The following OSBPL10 variants were observed in gnomAD, a reference collection of about 807,000 sequenced individuals.
The protein encoded by OSBPL10 is oxysterol binding protein like 10.
A neutral mutation model predicts 81.7 loss-of-function variants in OSBPL10; 49 were observed. The ratio of observed to expected loss-of-function variants is 0.60; its 90% CI spans 0.48 to 0.76. OSBPL10 has a LOEUF of 0.76. OSBPL10 is among the 30% of genes least tolerant of loss of function. The probability of loss-of-function intolerance (pLI) is 0.00; values close to 1 mark genes in which losing one functional copy is unlikely to be tolerated. For synonymous variants in OSBPL10, 419 were observed against 383.6 expected, an observed-to-expected ratio of 1.09 and a Z score of -1.08; for missense variants, 923 against 987.8, an observed-to-expected ratio of 0.93 and a Z score of 0.88.
intron 5 of OSBPL10, among the ~76,000 whole-genome samples, chr3:31,736,846 A>G (rs1371352367): frequency 1.3e-5 from 2 of 152,182 alleles, no homozygotes; most frequent in African/African-American, 4.8e-5. Context: ...GCAGTAAGCC[A>G]TGATCATGCC....
At position 31,683,769 on chromosome 3, in the gene OSBPL10, C is replaced by T; in HGVS notation, c.1591G>A (p.Glu531Lys). Residue 531 changes from glutamate to lysine, a missense_variant, in exon 8 of 12, where the codon GAG becomes AAG. By Grantham distance (56) the Glu-to-Lys change is moderately conservative. Around this residue, in one of 3 missense-constraint regions of OSBPL10, gnomAD observed 387 missense variants for 436.3 expected, o/e 0.89. Coordinates refer to ENST00000396556, the MANE Select transcript of OSBPL10 (RefSeq NM_017784.5). ...SKSYKLRFVA[E>K]QVSHHPPISC... ...ATGGGTGGGTGATGGGACACTTGCT[C>T]AGCCACAAACCTTAGTTTGTAGCTT... 3 of 1,614,202 alleles carry T rather than the reference C, an allele frequency of 1.9e-6. No homozygotes were observed. The highest frequency in any genetic ancestry group is 2.5e-6 in the Non-Finnish European group (3 of 1,180,050).
chr3:32,016,650 T>A (rs925343854), intron 2 of OSBPL10, among the ~76,000 whole-genome samples: 1 of 152,198 alleles, frequency 6.6e-6, no homozygotes, highest in African/African-American at 2.4e-5. Context: ...ATATCGATGT[T>A]CTCTCTTGCT....
intron 1 of OSBPL10, among the ~76,000 whole-genome samples, chr3:31,935,779 C>T (rs971005203): frequency 1.3e-5 from 2 of 152,096 alleles, no homozygotes; most frequent in Admixed American, 6.6e-5. Flanking sequence ...ACCTCAGCCT[C>T]GCAAAGTCCT....
chr3:31,909,213 A>G (rs182136833), intron 1 of OSBPL10, among the ~76,000 whole-genome samples: 8 of 152,328 alleles, frequency 5.3e-5, no homozygotes, highest in Admixed American at 5.2e-4. Context: ...TCTCAAAGCT[A>G]TATTTCTGTA....
At chr3:31,758,585 A>G (rs569661894) in intron 4 of OSBPL10, among the ~76,000 whole-genome samples, 5 of 152,310 alleles carry the variant, frequency 3.3e-5, no homozygotes, top group African/African-American at 1.2e-4. Flanking sequence ...GGTATTCCTG[A>G]TAAGAGACCA....
At chr3:31,853,063 G>C (rs1227811076) in intron 3 of OSBPL10, among the ~76,000 whole-genome samples, 1 of 152,144 alleles carries the variant, frequency 6.6e-6, no homozygotes, top group Non-Finnish European at 1.5e-5. Context: ...ACATGAAAAA[G>C]AGTTTTTTAG....
At chr3:31,905,418 T>C (rs1381578428) in intron 1 of OSBPL10, among the ~76,000 whole-genome samples, 6 of 148,152 alleles carry the variant, frequency 4.0e-5, no homozygotes, top group African/African-American at 1.5e-4. Flanking sequence ...GGCACAATCT[T>C]GGCTCACTGC....
At chr3:31,978,551 T>C (rs371671252) in intron 1 of OSBPL10, among the ~76,000 whole-genome samples, 22 of 152,246 alleles carry the variant, frequency 1.4e-4, no homozygotes, top group African/African-American at 4.8e-4. Context: ...ATCGTAATCT[T>C]CTCCAAACCA....
chr3:31,806,717 G>T (rs1699530524), intron 4 of OSBPL10, among the ~76,000 whole-genome samples: 1 of 151,904 alleles, frequency 6.6e-6, no homozygotes, highest in South Asian at 2.1e-4. Context: ...GGCAGGGGGT[G>T]CTGCTTTACA....
intron 7 of OSBPL10, among the ~76,000 whole-genome samples, chr3:31,687,311 T>C (rs1249634443): frequency 6.6e-6 from 1 of 152,104 alleles, no homozygotes; most frequent in African/African-American, 2.4e-5. Flanking sequence ...TAATTCCACC[T>C]CTAGACAAGA....
At chr3:31,902,811 G>A (rs1018790297) in intron 1 of OSBPL10, among the ~76,000 whole-genome samples, 5 of 152,036 alleles carry the variant, frequency 3.3e-5, no homozygotes, top group East Asian at 1.9e-4. Flanking sequence ...TGATCCACCC[G>A]CCTTGGCCTC....
At chr3:31,760,887 G>A (rs1253462208) in intron 4 of OSBPL10, among the ~76,000 whole-genome samples, 3 of 152,000 alleles carry the variant, frequency 2.0e-5, no homozygotes, top group Non-Finnish European at 4.4e-5. Flanking sequence ...GACGGATTAC[G>A]GTTCAACAAA....
At chr3:31,681,269 C>A (rs764680554) in intron 8 of OSBPL10, among the ~76,000 whole-genome samples, 3 of 152,206 alleles carry the variant, frequency 2.0e-5, no homozygotes, top group Non-Finnish European at 4.4e-5. Context: ...GAAGGCCCAA[C>A]ACGAATGCTG....
intron 4 of OSBPL10, among the ~76,000 whole-genome samples, chr3:31,774,746 C>T (rs1698501772): frequency 6.6e-6 from 1 of 151,324 alleles, no homozygotes; most frequent in Non-Finnish European, 1.5e-5. Context: ...CTCCTGACCT[C>T]ATGATGGGAC....
chr3:31,781,410 G>C (rs1377814675), intron 4 of OSBPL10, among the ~76,000 whole-genome samples: 1 of 152,166 alleles, frequency 6.6e-6, no homozygotes, highest in Non-Finnish European at 1.5e-5. Context: ...AACAAGACAA[G>C]GATGCCCACT....
rs141344736 is a variant in OSBPL10, at chr3:31,937,025, C to G, written c.281+43874G>C. Reference sequence around the variant, plus strand: ...AATGGCTGGGTGCAGTGGCTTATGCCTGTAATCCCAACACTTTGGGAGGTT... The same window carrying G: ...AATGGCTGGGTGCAGTGGCTTATGCGTGTAATCCCAACACTTTGGGAGGTT... On this transcript the variant is annotated intron_variant, in intron 1 of 11. Transcript: ENST00000396556. Among the ~76,000 whole-genome samples, 423 of 152,298 alleles carry G rather than the reference C, an allele frequency of 2.8e-3. 4 individuals are homozygous for G. Among genetic ancestry groups the G allele is most frequent in the African/African-American group, 9.6e-3 (401 of 41,556 alleles).
intron 6 of OSBPL10, among the ~76,000 whole-genome samples, chr3:31,706,609 G>A (rs535220841): frequency 2.6e-5 from 4 of 152,242 alleles, no homozygotes; most frequent in African/African-American, 7.2e-5. Context: ...AAACTGTGAC[G>A]TGTGTTAGGT....
intron 5 of OSBPL10, among the ~76,000 whole-genome samples, chr3:31,736,041 C>T (rs1037487004): frequency 6.6e-6 from 1 of 151,988 alleles, no homozygotes; most frequent in East Asian, 1.9e-4. Context: ...GTTATAGCCT[C>T]CTAAAAATTA....
chr3:31,991,863 TAA>T (rs34418500), intron 2 of OSBPL10, among the ~76,000 whole-genome samples: 1,515 of 146,128 alleles, frequency 0.01, 26 homozygotes, highest in African/African-American at 0.035. Flanking sequence ...CAAGACAGGC[TAA>T]AAAAAAAAAA....
Sources: allele counts gnomAD v4.1 joint callset (sites outside exome capture counted in the v4.1 genomes callset), GRCh38; gene constraint gnomAD v4.1.1; regional missense constraint gnomAD v4.1.1; transcripts MANE v1.5; gene names NCBI Gene and HGNC (gene_info 2026-07-23, HGNC 2026-07-21).